Variants in DLGAP5 observed in about 807,000 individuals in gnomAD.
DLGAP5 encodes the protein disks large-associated protein 5.
A neutral mutation model predicts 99.6 loss-of-function variants in DLGAP5; 90 were observed. The observed-to-expected ratio is 0.90, with a 90% CI of 0.76 to 1.08. DLGAP5 has a LOEUF of 1.08. Ranked by LOEUF, DLGAP5 falls within the 50% of genes least tolerant of loss-of-function variation. The pLI is 0.00. For synonymous variants in DLGAP5, 311 were observed against 321.3 expected, an observed-to-expected ratio of 0.97 and a Z score of 0.34; for missense variants, 1,036 against 983.5, an observed-to-expected ratio of 1.05 and a Z score of -0.71.
In DLGAP5 at chr14:55,151,591, ATAGT is replaced by A. The variant is rs1250570070; in HGVS notation, c.2368+100_2368+103del. ...CTTCACTAACAATGAAGGATCCTCA[ATAGT>A]TAGATCTAATGTAAAATGGACCTTA... On this transcript the variant is annotated intron_variant, in intron 17 of 18. Transcript: ENST00000247191. 39 of 1,217,592 alleles carry A rather than the reference ATAGT, an allele frequency of 3.2e-5. No individual in the cohort carries two copies. The African/African-American group carries it at 5.7e-4, about 18-fold the overall frequency. The allele number at this position is 1,217,592 out of a possible 1,614,324, so 75.4% of individuals were successfully genotyped here. A position where few individuals can be genotyped will look rare whatever the true frequency, so the allele number is the denominator to read the frequency against.
chr14:55,164,442 C>G (rs1882561674), intron 12 of DLGAP5, among the ~76,000 whole-genome samples: 1 of 152,104 alleles, frequency 6.6e-6, no homozygotes, highest in African/African-American at 2.4e-5. Flanking sequence ...ATTGGTTATC[C>G]ATAAGCAAAA....
At chr14:55,163,800 T>C (rs1339511691) in intron 12 of DLGAP5, among the ~76,000 whole-genome samples, 2 of 152,272 alleles carry the variant, frequency 1.3e-5, no homozygotes, top group Non-Finnish European at 2.9e-5. Flanking sequence ...TCTTTTCATA[T>C]GCGTATTTGC....
chr14:55,159,665 G>C (rs139602031), intron 13 of DLGAP5, among the ~76,000 whole-genome samples: 1 of 152,234 alleles, frequency 6.6e-6, no homozygotes, highest in East Asian at 1.9e-4. Flanking sequence ...GTCAGTTTGG[G>C]ATATATTGAT....
chr14:55,178,737 T>C (rs578120711), intron 7 of DLGAP5, among the ~76,000 whole-genome samples: 3 of 152,312 alleles, frequency 2.0e-5, no homozygotes, highest in African/African-American at 7.2e-5. Context: ...TAATCTTTGG[T>C]ACTTTTTTTA....
At chr14:55,175,569 T>A (rs1883032542) in intron 9 of DLGAP5, 97 bp from the exon 10 acceptor site, 11 of 827,296 alleles carry the variant, frequency 1.3e-5, no homozygotes, top group Non-Finnish European at 2.0e-5. Flanking sequence ...TTTCAATGTT[T>A]AATTTTAAAA....
intron 13 of DLGAP5, among the ~76,000 whole-genome samples, chr14:55,159,688 T>C (rs376277504): frequency 4.6e-5 from 7 of 152,140 alleles, no homozygotes; most frequent in East Asian, 1.9e-4. Flanking sequence ...TTAAGGTATA[T>C]TGAGTCATGA....
chr14:55,152,676 T>A, intron 15 of DLGAP5, 29 bp from the exon 16 acceptor site: 1 of 1,550,196 alleles, frequency 6.5e-7, no homozygotes, highest in Non-Finnish European at 8.7e-7. Context: ...AGCATTACAC[T>A]CATAAACATA....
chr14:55,169,545 G>A lies in DLGAP5; in HGVS notation c.1402C>T (p.Arg468Cys), dbSNP rs761963120. 18 of 1,586,308 alleles carry A rather than the reference G, an allele frequency of 1.1e-5. No homozygotes were observed. Among genetic ancestry groups the A allele is most frequent in the African/African-American group, 1.4e-5 (1 of 73,052 alleles). ...AGTCTTGTTTGACCAACTGCTGTGC[G>A]AATAAGATCTTTAGCTGAAGGAAAT... Reference protein sequence around the residue: ...DIPDDAKDLIRTAVGQTRLLM... With the variant: ...DIPDDAKDLICTAVGQTRLLM... Residue 468 changes from arginine to cysteine, a missense_variant, in exon 12 of 19, where the codon CGC becomes TGC. Arg to Cys is a radical substitution (Grantham distance 180). Transcript: ENST00000247191.
At chr14:55,170,599 T>C in intron 11 of DLGAP5, 103 bp downstream of exon 11, 1 of 1,014,178 alleles carries the variant, frequency 9.9e-7, no homozygotes, top group Non-Finnish European at 1.5e-6. Flanking sequence ...CTTTGAATGA[T>C]AATGAAACAA....
chr14:55,172,655 T>C (rs1882901451), intron 10 of DLGAP5, among the ~76,000 whole-genome samples: 1 of 150,606 alleles, frequency 6.6e-6, no homozygotes, highest in Admixed American at 6.6e-5. Flanking sequence ...AAAATTTGAG[T>C]TGTTCATATT....
At chr14:55,164,494 T>C (rs1594669732) in intron 12 of DLGAP5, among the ~76,000 whole-genome samples, 7 of 152,140 alleles carry the variant, frequency 4.6e-5, no homozygotes, top group African/African-American at 2.4e-5. Flanking sequence ...ACACAAAAAC[T>C]AACCAAATGG....
intron 10 of DLGAP5, among the ~76,000 whole-genome samples, chr14:55,174,242 C>T (rs957476992): frequency 6.6e-6 from 1 of 152,168 alleles, no homozygotes; most frequent in Non-Finnish European, 1.5e-5. Context: ...CATAGCGCTC[C>T]CAGGCTTATT....
intron 2 of DLGAP5, among the ~76,000 whole-genome samples, chr14:55,185,933 G>A (rs1395766598): frequency 6.6e-6 from 1 of 152,212 alleles, no homozygotes; most frequent in Non-Finnish European, 1.5e-5. Context: ...ATTATGCTTA[G>A]AAGATTTCAT....
At position 55,191,540 on chromosome 14, in the gene DLGAP5, C is replaced by G. The variant is rs1594689384; in HGVS notation, c.-79G>C. The G allele has an allele frequency of 1.3e-5, 2 of 152,794 alleles. No individual in the cohort carries two copies. The highest frequency in any genetic ancestry group is 6.5e-5 in the Admixed American group (1 of 15,274). The allele number at this position is 152,794 out of a possible 1,614,324, so 9.5% of individuals were successfully genotyped here. A position where few individuals can be genotyped will look rare whatever the true frequency, so the allele number is the denominator to read the frequency against. On this transcript the variant is annotated 5_prime_UTR_variant, in exon 1 of 19. Transcript: ENST00000247191. ...CGGTCTGGACGACCACCGCCGACTC[C>G]GAAGCAGGAACCCTCACAACCCGAG...
intron 8 of DLGAP5, among the ~76,000 whole-genome samples, chr14:55,176,511 T>C (rs192675217): frequency 6.6e-6 from 1 of 152,250 alleles, no homozygotes; most frequent in East Asian, 1.9e-4. Flanking sequence ...AAGTCATTTA[T>C]TAAAAACAAA....
intron 13 of DLGAP5, among the ~76,000 whole-genome samples, chr14:55,162,694 G>C (rs913945607): frequency 6.6e-6 from 1 of 151,588 alleles, no homozygotes; most frequent in Non-Finnish European, 1.5e-5. Context: ...AGCCCTCTGG[G>C]TACCCCAATT....
chr14:55,175,481 TA>T lies in DLGAP5; in HGVS notation c.1175-10del, dbSNP rs760767451. 27 of 1,215,800 alleles carry T rather than the reference TA, an allele frequency of 2.2e-5. No homozygotes were observed. The East Asian group carries it at 6.1e-4, about 28-fold the overall frequency. The allele number at this position is 1,215,800 out of a possible 1,614,324, so 75.3% of individuals were successfully genotyped here. A position where few individuals can be genotyped will look rare whatever the true frequency, so the allele number is the denominator to read the frequency against. ...TTTATTTAAAACATGTTCTATAAAT[TA>T]AAGAAAATCTTACATATAAATTTCA... On this transcript the variant is annotated splice_polypyrimidine_tract_variant and intron_variant, in intron 9 of 18. Coordinates refer to ENST00000247191, the MANE Select transcript of DLGAP5 (RefSeq NM_014750.5).
Position 55,183,749 on chromosome 14 carries a change from T to C in DLGAP5, c.243A>G (p.Ala81=). Residue 81 remains alanine (A), a synonymous_variant, in exon 3 of 19, where the codon GCA becomes GCG. Coordinates refer to ENST00000247191, the MANE Select transcript of DLGAP5 (RefSeq NM_014750.5). ...VPEKTNVKPR[A]MKTILGDQRK... Reference sequence around the variant, plus strand: ...GTTGATCACCTAGAATAGTTTTCATTGCCCCTAGGCAGAAAAAAAACCAAA... The same window carrying C: ...GTTGATCACCTAGAATAGTTTTCATCGCCCCTAGGCAGAAAAAAAACCAAA... 6.3e-7 allele frequency: 1 copy of C among 1,586,792 alleles called. No homozygotes were observed. Among genetic ancestry groups the C allele is most frequent in the South Asian group, 1.2e-5 (1 of 86,394 alleles).
rs754933570 is a variant in DLGAP5 at position 55,152,622 on chromosome 14, G to A, written c.2089C>T (p.Pro697Ser). The A allele has an allele frequency of 3.1e-6, 5 of 1,601,452 alleles. No individual in the cohort carries two copies. In the African/African-American group the frequency reaches 4.0e-5, roughly 13 times the overall value. ...SRSSIEDAQC[P>S]GLPDLIEENH... ...TCTTCAATTAAATCTGGTAATCCAGGACACTGAGCATCTTCTATGCTGCTC... is the reference window on the plus strand; with the variant it reads ...TCTTCAATTAAATCTGGTAATCCAGAACACTGAGCATCTTCTATGCTGCTC... Residue 697 changes from proline to serine, a missense_variant, in exon 16 of 19, where the codon CCT becomes TCT. Pro to Ser is a moderately conservative substitution (Grantham distance 74). Transcript: ENST00000247191.
Sources: gnomAD v4.1 joint callset for allele counts (sites outside exome capture counted in the v4.1 genomes callset) on GRCh38, gnomAD v4.1.1 for gene constraint, MANE v1.5 for transcripts, NCBI Gene and HGNC (gene_info 2026-07-23, HGNC 2026-07-21) for gene names.